AUTS2: variants seen among roughly 807,000 people sequenced by gnomAD.
The protein encoded by AUTS2 is autism susceptibility gene 2 protein.
Under a neutral mutation model 112.4 loss-of-function variants are expected in AUTS2, and 17 were observed. That is an observed-to-expected ratio of 0.15 (90% CI 0.10 to 0.23). The LOEUF is 0.23. Ranked by LOEUF, AUTS2 falls within the 10% of genes least tolerant of loss-of-function variation. AUTS2 has a pLI of 1.00. For synonymous variants in AUTS2, 751 were observed against 702.7 expected, an observed-to-expected ratio of 1.07 and a Z score of -1.09; for missense variants, 1,510 against 1,701.6, an observed-to-expected ratio of 0.89 and a Z score of 1.98.
At chr7:70,651,430 G>A (rs1003077570) in intron 5 of AUTS2, among the ~76,000 whole-genome samples, 1 of 152,150 alleles carries the variant, frequency 6.6e-6, no homozygotes, top group East Asian at 1.9e-4. Context: ...CCCTTCATAC[G>A]TGGAAAATAT....
At chr7:70,251,619 C>T (rs1452459158) in intron 4 of AUTS2, among the ~76,000 whole-genome samples, 2 of 152,036 alleles carry the variant, frequency 1.3e-5, no homozygotes, top group African/African-American at 2.4e-5. Flanking sequence ...TTTGTTAGAC[C>T]TTCTTTCTCA....
intron 5 of AUTS2, among the ~76,000 whole-genome samples, chr7:70,640,397 C>A (rs574733960): frequency 4.7e-5 from 6 of 127,798 alleles, no homozygotes; most frequent in Admixed American, 1.8e-4. Context: ...TTGAACCAAC[C>A]TCTGAAAAAT....
At position 70,598,066 on chromosome 7, in the gene AUTS2, G is replaced by A. The variant is rs546284768; in HGVS notation, c.691-100503G>A. Reference sequence around the variant, plus strand: ...GTTTGCAGAGCTTATTCATAAATCCGCTTGGTTAATGAGAAAAAAGCAGGT... The same window carrying A: ...GTTTGCAGAGCTTATTCATAAATCCACTTGGTTAATGAGAAAAAAGCAGGT... On this transcript the variant is annotated intron_variant, in intron 5 of 18. Transcript: ENST00000342771. 3.3e-5 allele frequency among the ~76,000 whole-genome samples: 5 copies of A among 152,240 alleles called. No homozygotes were observed. In the East Asian group the frequency reaches 9.6e-4, roughly 29 times the overall value.
intron 5 of AUTS2, among the ~76,000 whole-genome samples, chr7:70,691,644 G>C (rs1205212254): frequency 2.6e-5 from 4 of 152,128 alleles, no homozygotes; most frequent in African/African-American, 9.7e-5. Flanking sequence ...GCTCATTTGT[G>C]AGTCTGGAGA....
chr7:70,342,879 T>A (rs891352194), intron 4 of AUTS2, among the ~76,000 whole-genome samples: 8 of 152,208 alleles, frequency 5.3e-5, no homozygotes, highest in African/African-American at 1.9e-4. Context: ...TATCTGTAGA[T>A]CATTCTGTAT....
intron 1 of AUTS2, among the ~76,000 whole-genome samples, chr7:69,660,760 G>A (rs570703244): frequency 2.6e-4 from 40 of 152,086 alleles, no homozygotes; most frequent in Non-Finnish European, 5.6e-4. Flanking sequence ...GTGAAAACCC[G>A]TCTCTACTAA....
At chr7:69,619,991 T>G (rs950274048) in intron 1 of AUTS2, among the ~76,000 whole-genome samples, 4 of 152,226 alleles carry the variant, frequency 2.6e-5, no homozygotes, top group Non-Finnish European at 4.4e-5. Context: ...TTTTTGATTC[T>G]GAGGATTTTG....
chr7:69,969,536 A>G (rs1194346853), intron 2 of AUTS2, among the ~76,000 whole-genome samples: 2 of 152,222 alleles, frequency 1.3e-5, no homozygotes, highest in Admixed American at 6.5e-5. Flanking sequence ...TTCTTTCACA[A>G]TGATTCAATT....
chr7:69,979,190 A>G (rs1244245350), intron 2 of AUTS2, among the ~76,000 whole-genome samples: 1 of 152,224 alleles, frequency 6.6e-6, no homozygotes, highest in East Asian at 1.9e-4. Context: ...AAGCTAAGGA[A>G]CATAAGCTGT....
At chr7:70,433,758 A>T (rs1795773643) in intron 4 of AUTS2, among the ~76,000 whole-genome samples, 1 of 152,230 alleles carries the variant, frequency 6.6e-6, no homozygotes, top group South Asian at 2.1e-4. Flanking sequence ...CTAATCCTCC[A>T]GTCTATAAGA....
At chr7:70,423,644 T>G (rs1305501005) in intron 4 of AUTS2, among the ~76,000 whole-genome samples, 1 of 152,202 alleles carries the variant, frequency 6.6e-6, no homozygotes, top group Non-Finnish European at 1.5e-5. Context: ...AAAAAAATGT[T>G]CATCAAGAAC....
chr7:69,879,542 AC>A (rs1300581808), intron 1 of AUTS2, among the ~76,000 whole-genome samples: 1 of 152,160 alleles, frequency 6.6e-6, no homozygotes, highest in Admixed American at 6.5e-5. Flanking sequence ...TTCCTAGAGT[AC>A]TAAATGTAAT....
At chr7:69,817,429 GAGA>G in intron 1 of AUTS2, among the ~76,000 whole-genome samples, 1 of 152,348 alleles carries the variant, frequency 6.6e-6, no homozygotes, top group East Asian at 1.9e-4. Flanking sequence ...TGAGGAGGAA[GAGA>G]AGGAGAGTAT....
intron 5 of AUTS2, among the ~76,000 whole-genome samples, chr7:70,651,877 C>T (rs1210896217): frequency 2.0e-5 from 3 of 152,116 alleles, no homozygotes; most frequent in Non-Finnish European, 4.4e-5. Flanking sequence ...GGCAAACACA[C>T]GCACAGAAAT....
At chr7:70,733,731 C>T (rs933882747) in intron 6 of AUTS2, among the ~76,000 whole-genome samples, 2 of 151,960 alleles carry the variant, frequency 1.3e-5, no homozygotes, top group African/African-American at 4.8e-5. Context: ...GAACTACAGG[C>T]GCCCGCCACC....
At chr7:70,388,299 T>G (rs527740799) in intron 4 of AUTS2, among the ~76,000 whole-genome samples, 1 of 152,328 alleles carries the variant, frequency 6.6e-6, no homozygotes, top group South Asian at 2.1e-4. Context: ...CCATTATTTA[T>G]GTGCTTGTCT....
At position 70,170,818 on chromosome 7, in the gene AUTS2, G is replaced by A. The variant is rs112547124; in HGVS notation, c.660+36247G>A. On this transcript the variant is annotated intron_variant, in intron 4 of 18. Transcript: ENST00000342771. ...AGACAGGGTTTCACCATTTTGGCCA[G>A]GCTGGTCTTGAACTCCTGACCTCGT... Among the ~76,000 whole-genome samples, 888 of 152,180 alleles carry A rather than the reference G, an allele frequency of 5.8e-3. 9 individuals carry two copies. Among genetic ancestry groups the A allele is most frequent in the African/African-American group, 0.02 (841 of 41,520 alleles).
At chr7:70,593,254 A>C (rs977639351) in intron 5 of AUTS2, among the ~76,000 whole-genome samples, 10 of 152,238 alleles carry the variant, frequency 6.6e-5, no homozygotes, top group African/African-American at 2.4e-4. Context: ...AGGAATTAAC[A>C]CAAATAAAGC....
intron 1 of AUTS2, among the ~76,000 whole-genome samples, chr7:69,720,264 A>G (rs988441805): frequency 6.6e-6 from 1 of 152,194 alleles, no homozygotes; most frequent in African/African-American, 2.4e-5. Flanking sequence ...CATTTTAGGA[A>G]TTATAGCCTT....
Sources: allele counts gnomAD v4.1 joint callset (sites outside exome capture counted in the v4.1 genomes callset), GRCh38; gene constraint gnomAD v4.1.1; transcripts MANE v1.5; gene names NCBI Gene and HGNC (gene_info 2026-07-23, HGNC 2026-07-21).